The following PGM2L1 variants were observed in gnomAD, a reference collection of about 807,000 sequenced individuals.
PGM2L1 encodes glucose 1,6-bisphosphate synthase.
A neutral mutation model predicts 73.4 loss-of-function variants in PGM2L1; 35 were observed. That is an observed-to-expected ratio of 0.48 (90% CI 0.36 to 0.63). The LOEUF (loss-of-function observed/expected upper bound fraction) is 0.63, where lower values mean the gene tolerates loss of function less well. Among genes scored for constraint, PGM2L1 ranks in the 30% least tolerant of loss-of-function variants. The pLI is 0.00. For missense variants in PGM2L1, 570 were observed against 742.0 expected, an observed-to-expected ratio of 0.77 and a Z score of 2.69; for synonymous variants, 225 against 253.8, an observed-to-expected ratio of 0.89 and a Z score of 1.08.
At chr11:74,353,192 GT>G (rs983763110) in intron 5 of PGM2L1, among the ~76,000 whole-genome samples, 111 of 152,142 alleles carry the variant, frequency 7.3e-4, no homozygotes, top group African/African-American at 2.5e-3. Flanking sequence ...TTGTGTGTGT[GT>G]GTGTTGTATT....
At chr11:74,347,680 A>G (rs1403134301) in intron 6 of PGM2L1, among the ~76,000 whole-genome samples, 1 of 152,206 alleles carries the variant, frequency 6.6e-6, no homozygotes, top group African/African-American at 2.4e-5. Context: ...GCTTGCCAGT[A>G]GACCCCTCGT....
chr11:74,385,948 C>A (rs1863011908), intron 1 of PGM2L1, among the ~76,000 whole-genome samples: 3 of 152,068 alleles, frequency 2.0e-5, no homozygotes, highest in Admixed American at 1.3e-4. Context: ...CAAAATGATG[C>A]TGTCAGCATT....
chr11:74,345,130 C>G (rs531892594), intron 9 of PGM2L1, among the ~76,000 whole-genome samples: 2 of 152,262 alleles, frequency 1.3e-5, no homozygotes, highest in East Asian at 3.9e-4. Context: ...GGGTTGATGA[C>G]ACCTACAACT....
At chr11:74,390,955 G>A (rs1018982368) in intron 1 of PGM2L1, among the ~76,000 whole-genome samples, 17 of 152,234 alleles carry the variant, frequency 1.1e-4, no homozygotes, top group African/African-American at 3.9e-4. Flanking sequence ...CTTAGGGGAC[G>A]AAGAAATGGG....
chr11:74,368,449 G>A lies in PGM2L1; in HGVS notation c.555+43C>T, dbSNP rs1327969215. On this transcript the variant is annotated intron_variant, in intron 5 of 13. Transcript: ENST00000298198. ...CAACACATATTATTTGAATAAAAAA[G>A]ATGAACTATAAGATAAGCAAAGGTC... 4.7e-6 allele frequency: 7 copies of A among 1,484,968 alleles called. 1 individual carries two copies. Among genetic ancestry groups the A allele is most frequent in the Middle Eastern group, 3.4e-4 (2 of 5,798 alleles). 92.0% of individuals were successfully genotyped at this position (1,484,968 alleles called of 1,614,324 possible).
In PGM2L1 at chr11:74,353,202, T is replaced by C. The variant is rs1250297697; in HGVS notation, c.556-1626A>G. On this transcript the variant is annotated intron_variant, in intron 5 of 13. Coordinates refer to ENST00000298198, the MANE Select transcript of PGM2L1 (RefSeq NM_173582.6). ...TTTTTTTGTGTGTGTGTGTGTTGTA[T>C]TGAATATTTTAATATCCTAACAGAA... Among the ~76,000 whole-genome samples, 8 of 152,300 alleles carry C rather than the reference T, an allele frequency of 5.3e-5. No homozygotes were observed. In the East Asian group the frequency reaches 1.3e-3, roughly 26 times the overall value.
rs1258978706 is a variant in PGM2L1 at position 74,396,221 on chromosome 11, T to C, written c.111+1830A>G. On this transcript the variant is annotated intron_variant, in intron 1 of 13. Coordinates refer to ENST00000298198, the MANE Select transcript of PGM2L1 (RefSeq NM_173582.6). ...CTGCAGTGAGTGCAGTGAGCGGAGA[T>C]CGCGCCACTGCACTCCAGCCTGGAC... is the stretch of plus-strand genomic sequence containing the variant. Among the ~76,000 whole-genome samples the C allele has an allele frequency of 2.0e-5, 3 of 147,600 alleles. No individual in the cohort carries two copies. The East Asian group carries it at 6.3e-4, about 31-fold the overall frequency.
intron 1 of PGM2L1, among the ~76,000 whole-genome samples, chr11:74,393,378 C>G (rs1863130968): frequency 6.6e-6 from 1 of 152,116 alleles, no homozygotes; most frequent in African/African-American, 2.4e-5. Flanking sequence ...ACGCAATGAC[C>G]CTGGAGTAGA....
intron 5 of PGM2L1, among the ~76,000 whole-genome samples, chr11:74,354,202 C>T (rs555907141): frequency 4.6e-5 from 7 of 152,028 alleles, no homozygotes; most frequent in South Asian, 2.1e-4. Context: ...CATTTTGTTA[C>T]GTGAGAAAAA....
At chr11:74,397,913 G>A in intron 1 of PGM2L1, 138 bp downstream of exon 1, 7 of 1,352,450 alleles carry the variant, frequency 5.2e-6, no homozygotes, top group Non-Finnish European at 4.8e-6. Context: ...TAGGTGGGTG[G>A]CAACGCCCTG....
At chr11:74,396,497 C>G (rs1433963895) in intron 1 of PGM2L1, among the ~76,000 whole-genome samples, 1 of 152,120 alleles carries the variant, frequency 6.6e-6, no homozygotes, top group African/African-American at 2.4e-5. Context: ...TCACTGCAAG[C>G]TCCGCCTCCC....
At chr11:74,379,200 G>A (rs1862902568) in intron 1 of PGM2L1, among the ~76,000 whole-genome samples, 1 of 152,142 alleles carries the variant, frequency 6.6e-6, no homozygotes, top group Non-Finnish European at 1.5e-5. Context: ...CAGAAGGGAA[G>A]GATAGCCAGC....
In PGM2L1 at chr11:74,342,880, C is replaced by T. The variant is rs1386500875; in HGVS notation, c.1442+5G>A. On this transcript the variant is annotated splice_donor_5th_base_variant and intron_variant, in intron 11 of 13. Transcript: ENST00000298198. Reference sequence around the variant, plus strand: ...GCATGTGAAATTCATAATAGTAGAACTTACTTTTCATAAACCTTAACCAGT... The same window carrying T: ...GCATGTGAAATTCATAATAGTAGAATTTACTTTTCATAAACCTTAACCAGT... 1.9e-6 allele frequency: 3 copies of T among 1,585,910 alleles called. No individual in the cohort carries two copies. Among genetic ancestry groups the T allele is most frequent in the Admixed American group, 1.9e-5 (1 of 51,968 alleles).
At chr11:74,378,310 AAAAAAG>A (rs549141669) in intron 1 of PGM2L1, among the ~76,000 whole-genome samples, 129 of 152,320 alleles carry the variant, frequency 8.5e-4, no homozygotes, top group African/African-American at 2.7e-3. Flanking sequence ...TCAATTAAAA[AAAAAAG>A]AAAAAGAAAA....
chr11:74,379,011 T>G (rs1338108190), intron 1 of PGM2L1, among the ~76,000 whole-genome samples: 1 of 152,204 alleles, frequency 6.6e-6, no homozygotes, highest in East Asian at 1.9e-4. Flanking sequence ...GTAAAAAAAG[T>G]AATCAAGTTT....
At chr11:74,382,146 G>A (rs527965414) in intron 1 of PGM2L1, among the ~76,000 whole-genome samples, 28 of 152,142 alleles carry the variant, frequency 1.8e-4, no homozygotes, top group Non-Finnish European at 3.7e-4. Flanking sequence ...TATTGTTATG[G>A]CTTAGTAAAA....
At chr11:74,338,058 T>C (rs535233170) in intron 13 of PGM2L1, among the ~76,000 whole-genome samples, 61 of 152,322 alleles carry the variant, frequency 4.0e-4, no homozygotes, top group African/African-American at 1.4e-3. Context: ...TGGAATATTG[T>C]TGGGCCATAA....
At position 74,374,521 on chromosome 11, in the gene PGM2L1, C is replaced by T; in HGVS notation, c.173G>A (p.Arg58Gln). ...LLRNGMNKEL[R>Q]DRLCCRMTFG... ...AGTCATTCGGCAACAAAGACGATCT[C>T]GCAGCTCCTTGTTCATCCCATTCCG... The change falls in exon 2 of 14, where the codon CGA becomes CAA. Residue 58 changes from arginine (R) to glutamine (Q), a missense_variant. By Grantham distance (43) the Arg-to-Gln change is conservative. Transcript: ENST00000298198. The T allele has an allele frequency of 7.4e-6, 12 of 1,614,132 alleles. No individual in the cohort carries two copies. The highest frequency in any genetic ancestry group is 1.3e-5 in the African/African-American group (1 of 75,048).
At chr11:74,360,198 C>G (rs1862534408) in intron 5 of PGM2L1, among the ~76,000 whole-genome samples, 1 of 150,784 alleles carries the variant, frequency 6.6e-6, no homozygotes, top group Admixed American at 6.6e-5. Flanking sequence ...CCACTGCACT[C>G]CAGCCTTGGT....
Sources: allele counts gnomAD v4.1 joint callset (sites outside exome capture counted in the v4.1 genomes callset), GRCh38; gene constraint gnomAD v4.1.1; transcripts MANE v1.5; gene names NCBI Gene and HGNC (gene_info 2026-07-23, HGNC 2026-07-21).